PCDH15: variants seen among roughly 807,000 people sequenced by gnomAD.
PCDH15 encodes protocadherin related 15, also known as protocadherin-15.
A neutral mutation model predicts 178.5 loss-of-function variants in PCDH15; 129 were observed. The observed-to-expected ratio is 0.72, with a 90% CI of 0.63 to 0.84. PCDH15 has a LOEUF of 0.84. PCDH15 is among the 40% of genes least tolerant of loss of function. The pLI is 0.00. For synonymous variants in PCDH15, 800 were observed against 732.0 expected (o/e 1.09, Z -1.50); for missense variants, 2,230 against 2,099.9 (o/e 1.06, Z -1.21).
At chr10:54,934,986 A>T (rs1837869464) in intron 2 of PCDH15, among the ~76,000 whole-genome samples, 1 of 151,926 alleles carries the variant, frequency 6.6e-6, no homozygotes, top group Non-Finnish European at 1.5e-5. Context: ...AGGACAAAAA[A>T]ACCAAACACC....
intron 3 of PCDH15, among the ~76,000 whole-genome samples, chr10:54,828,497 A>C (rs915673624): frequency 1.3e-5 from 2 of 151,724 alleles, no homozygotes; most frequent in African/African-American, 4.8e-5. Flanking sequence ...GTGTATGTGT[A>C]TGTGTATGTG....
At chr10:54,585,204 C>T (rs2091365086) in intron 2 of PCDH15, among the ~76,000 whole-genome samples, 1 of 152,046 alleles carries the variant, frequency 6.6e-6, no homozygotes, top group African/African-American at 2.4e-5. Context: ...CCATCCAGTG[C>T]ACAATTCAAA....
chr10:54,007,659 T>G (rs1291913045), intron 20 of PCDH15, among the ~76,000 whole-genome samples: 1 of 152,210 alleles, frequency 6.6e-6, no homozygotes, highest in African/African-American at 2.4e-5. Context: ...ATTTATACTG[T>G]GGAAATATTG....
At chr10:54,263,229 A>G (rs1036522995) in intron 8 of PCDH15, among the ~76,000 whole-genome samples, 4 of 152,050 alleles carry the variant, frequency 2.6e-5, no homozygotes, top group African/African-American at 9.7e-5. Context: ...GTCCCTAGAG[A>G]TGTAATCCTC....
chr10:55,616,221 T>C (rs1416103895), intron 2 of PCDH15, among the ~76,000 whole-genome samples: 1 of 152,156 alleles, frequency 6.6e-6, no homozygotes, highest in East Asian at 1.9e-4. Flanking sequence ...TTTTAAATAA[T>C]TGTAAACAGT....
intron 2 of PCDH15, among the ~76,000 whole-genome samples, chr10:55,073,774 C>T (rs548604981): frequency 1.6e-4 from 24 of 152,118 alleles, no homozygotes; most frequent in African/African-American, 4.8e-4. Flanking sequence ...TTCATCTAAC[C>T]GTAGGCTTTT....
chr10:55,183,035 T>C (rs1839695000), intron 1 of PCDH15, among the ~76,000 whole-genome samples: 1 of 151,974 alleles, frequency 6.6e-6, no homozygotes, highest in South Asian at 2.1e-4. Flanking sequence ...GCTTCACATC[T>C]ATATTCTCAT....
In PCDH15 at chr10:54,628,526, C is replaced by A. The variant is rs7089000; in HGVS notation, c.91+35646G>T. Among the ~76,000 whole-genome samples, 6 of 152,122 alleles carry A rather than the reference C, an allele frequency of 3.9e-5. No individual in the cohort carries two copies. The East Asian group carries it at 1.2e-3, about 29-fold the overall frequency. ...CAGACAAACCTTAAACTTGATAATA[C>A]GTGGGAAATAATGTTACTGGTATCT... is the stretch of plus-strand genomic sequence containing the variant. On this transcript the variant is annotated intron_variant, in intron 2 of 37. Coordinates refer to ENST00000644397, the MANE Select transcript of PCDH15 (RefSeq NM_001384140.1).
At chr10:54,635,198 A>T (rs1011912239) in intron 2 of PCDH15, among the ~76,000 whole-genome samples, 2 of 151,094 alleles carry the variant, frequency 1.3e-5, no homozygotes, top group African/African-American at 4.8e-5. Flanking sequence ...TAAATAATTT[A>T]TTCATTCCTG....
chr10:54,534,769 C>T (rs1271432283), intron 2 of PCDH15, among the ~76,000 whole-genome samples: 1 of 152,156 alleles, frequency 6.6e-6, no homozygotes, highest in Admixed American at 6.5e-5. Context: ...TCACAAGCAG[C>T]AGGAGAGGGA....
At chr10:55,002,551 A>T (rs1203220914) in intron 2 of PCDH15, among the ~76,000 whole-genome samples, 1 of 14,728 alleles carries the variant, frequency 6.8e-5, no homozygotes, top group Non-Finnish European at 1.7e-4. Context: ...AATTTCTGAC[A>T]TGTTAGAGAG....
At chr10:55,341,071 TTAG>T (rs754767311) in intron 2 of PCDH15, among the ~76,000 whole-genome samples, 326 of 152,024 alleles carry the variant, frequency 2.1e-3, no homozygotes, top group Non-Finnish European at 3.1e-3. Context: ...ATCAAAGCTC[TTAG>T]TAGTAAATTT....
intron 15 of PCDH15, among the ~76,000 whole-genome samples, chr10:54,128,917 A>T (rs1307459280): frequency 1.3e-5 from 2 of 152,220 alleles, no homozygotes; most frequent in African/African-American, 4.8e-5. Context: ...CCTTTGGAAA[A>T]TACAGAACTA....
intron 8 of PCDH15, among the ~76,000 whole-genome samples, chr10:54,300,563 A>G (rs1318012459): frequency 6.6e-6 from 1 of 152,138 alleles, no homozygotes; most frequent in East Asian, 1.9e-4. Context: ...AAGTAGCTAG[A>G]GTGGTCATCG....
At chr10:54,563,710 G>T (rs1292113015) in intron 2 of PCDH15, among the ~76,000 whole-genome samples, 1 of 152,088 alleles carries the variant, frequency 6.6e-6, no homozygotes, top group Non-Finnish European at 1.5e-5. Context: ...GTTAAATTGT[G>T]GCTCCAGCTT....
At chr10:54,011,434 C>G (rs984242350) in intron 20 of PCDH15, among the ~76,000 whole-genome samples, 2 of 152,186 alleles carry the variant, frequency 1.3e-5, no homozygotes, top group Admixed American at 6.5e-5. Context: ...AAGGTCCCTT[C>G]CCTTGTTGTG....
At chr10:55,474,249 C>A (rs1373531834) in intron 2 of PCDH15, among the ~76,000 whole-genome samples, 2 of 152,128 alleles carry the variant, frequency 1.3e-5, no homozygotes, top group Admixed American at 6.5e-5. Context: ...GCTGGTATTT[C>A]AGGAGGTCAG....
At chr10:55,140,847 T>G (rs1027351779) in intron 2 of PCDH15, among the ~76,000 whole-genome samples, 2 of 151,978 alleles carry the variant, frequency 1.3e-5, no homozygotes, top group Admixed American at 1.3e-4. Flanking sequence ...ATGGGTTCAT[T>G]TCATCTAGGT....
intron 18 of PCDH15, among the ~76,000 whole-genome samples, chr10:54,035,028 T>C (rs972497259): frequency 1.3e-5 from 2 of 151,906 alleles, no homozygotes; most frequent in African/African-American, 4.8e-5. Flanking sequence ...CCTTTGTTAA[T>C]TGTTAGCATG....
Sources: gnomAD v4.1 joint callset for allele counts (sites outside exome capture counted in the v4.1 genomes callset) on GRCh38, gnomAD v4.1.1 for gene constraint, MANE v1.5 for transcripts, NCBI Gene and HGNC (gene_info 2026-07-23, HGNC 2026-07-21) for gene names.